STAC: variants seen among roughly 807,000 people sequenced by gnomAD.
STAC encodes the protein SH3 and cysteine rich domain.
STAC carries 43 observed loss-of-function variants against 48.8 expected under a neutral mutation model. The observed-to-expected ratio is 0.88, with a 90% CI of 0.69 to 1.14. STAC has a LOEUF of 1.14. Ranked by LOEUF, STAC falls within the 50% of genes most tolerant of loss-of-function variation. The pLI, the probability that STAC is intolerant of heterozygous loss-of-function variation, is 0.00. For missense variants in STAC, 497 were observed against 504.0 expected (o/e 0.99, Z 0.13); for synonymous variants, 193 against 179.5 (o/e 1.07, Z -0.60).
intron 8 of STAC, among the ~76,000 whole-genome samples, chr3:36,527,925 A>C (rs1020462658): frequency 5.3e-5 from 8 of 152,176 alleles, no homozygotes; most frequent in African/African-American, 1.7e-4. Flanking sequence ...AAATGGAGCT[A>C]AGCAAAAGTG....
intron 2 of STAC, among the ~76,000 whole-genome samples, chr3:36,470,054 T>A (rs1433060851): frequency 1.3e-5 from 2 of 152,144 alleles, no homozygotes; most frequent in East Asian, 3.9e-4. Context: ...TTGACCTGAA[T>A]TTTTTTTCTG....
At chr3:36,503,680 G>A (rs900983838) in intron 6 of STAC, among the ~76,000 whole-genome samples, 12 of 152,028 alleles carry the variant, frequency 7.9e-5, no homozygotes, top group Non-Finnish European at 1.2e-4. Flanking sequence ...TGATCTACCC[G>A]CCTCGGCCTC....
chr3:36,437,931 G>GTAGTTATTATTATTA (rs1553634753), intron 1 of STAC, among the ~76,000 whole-genome samples: 1 of 140,576 alleles, frequency 7.1e-6, no homozygotes, highest in Non-Finnish European at 1.5e-5. Flanking sequence ...TATTCATTGA[G>GTAGTTATTATTATTA]TTATTATTAT....
At chr3:36,511,827 T>C (rs137885943) in intron 8 of STAC, among the ~76,000 whole-genome samples, 286 of 152,302 alleles carry the variant, frequency 1.9e-3, no homozygotes, top group African/African-American at 6.5e-3. Flanking sequence ...ACCCAAACTC[T>C]TATAAATAGT....
chr3:36,492,035 T>A (rs61490622), intron 5 of STAC, among the ~76,000 whole-genome samples: 917 of 20,998 alleles, frequency 0.044, 18 homozygotes, highest in East Asian at 0.06. Context: ...AAAAAAAATA[T>A]ATATATATAT....
chr3:36,422,255 G>A (rs1700467532), intron 1 of STAC, among the ~76,000 whole-genome samples: 2 of 151,946 alleles, frequency 1.3e-5, no homozygotes, highest in Non-Finnish European at 2.9e-5. Context: ...TACTTTCCAG[G>A]TCTAGGAAAA....
At chr3:36,425,872 C>T (rs1559486410) in intron 1 of STAC, among the ~76,000 whole-genome samples, 1 of 151,904 alleles carries the variant, frequency 6.6e-6, no homozygotes, top group Admixed American at 6.6e-5. Context: ...ACCAAAAATA[C>T]AAAAACGAAA....
chr3:36,484,891 C>T, intron 3 of STAC, 86 bp from the exon 4 acceptor site: 1 of 1,066,008 alleles, frequency 9.4e-7, no homozygotes, highest in Non-Finnish European at 1.3e-6. Context: ...CCTGGAGAAA[C>T]CAATTGGTTT....
At chr3:36,459,971 A>C (rs1696963349) in intron 2 of STAC, among the ~76,000 whole-genome samples, 1 of 152,150 alleles carries the variant, frequency 6.6e-6, no homozygotes, top group Admixed American at 6.5e-5. Context: ...AGCTAACTTC[A>C]AAGAACCATG....
intron 10 of STAC, among the ~76,000 whole-genome samples, chr3:36,545,693 T>C (rs541954308): frequency 3.2e-4 from 49 of 152,328 alleles, no homozygotes; most frequent in Middle Eastern, 3.4e-3. Context: ...TGGGAAATGT[T>C]AGCATCTATT....
intron 10 of STAC, among the ~76,000 whole-genome samples, chr3:36,540,901 A>T (rs1289443986): frequency 6.6e-6 from 1 of 152,228 alleles, no homozygotes; most frequent in Non-Finnish European, 1.5e-5. Context: ...CAACAGTAAT[A>T]GCAAATGAAT....
intron 1 of STAC, among the ~76,000 whole-genome samples, chr3:36,394,963 G>A (rs1197454302): frequency 6.6e-6 from 1 of 151,672 alleles, no homozygotes; most frequent in Non-Finnish European, 1.5e-5. Context: ...TGTGAGGTGT[G>A]AGGGAGAGAG....
chr3:36,492,067 T>TATATATATATAA (rs1698001562), intron 5 of STAC, among the ~76,000 whole-genome samples: 2 of 97,444 alleles, frequency 2.1e-5, no homozygotes, highest in Non-Finnish European at 4.0e-5. Context: ...TATATATATA[T>TATATATATATAA]GTGACTGTCC....
rs149888259 is a variant in STAC at position 36,464,569 on chromosome 3, C to T, written c.389-18423C>T. 1.2e-3 allele frequency among the ~76,000 whole-genome samples: 181 copies of T among 152,058 alleles called. 1 individual carries two copies. Among genetic ancestry groups the T allele is most frequent in the African/African-American group, 4.1e-3 (170 of 41,454 alleles). ...AGCAGTGTACACTGTACCAATGTGC[C>T]GTCCTTTATCCCTCACCCCTGCAAA... On this transcript the variant is annotated intron_variant, in intron 2 of 10. Transcript: ENST00000273183.
intron 1 of STAC, among the ~76,000 whole-genome samples, chr3:36,394,321 A>T (rs966221668): frequency 6.6e-6 from 1 of 152,248 alleles, no homozygotes; most frequent in Non-Finnish European, 1.5e-5. Flanking sequence ...GAACATTTTC[A>T]TGATTGCACA....
chr3:36,482,478 G>A (rs1697675371), intron 2 of STAC, among the ~76,000 whole-genome samples: 1 of 152,102 alleles, frequency 6.6e-6, no homozygotes, highest in Non-Finnish European at 1.5e-5. Context: ...CCCCAGGCTG[G>A]GGTTGGCATC....
At chr3:36,383,534 G>A (rs1382106791) in intron 1 of STAC, among the ~76,000 whole-genome samples, 1 of 152,080 alleles carries the variant, frequency 6.6e-6, no homozygotes, top group East Asian at 1.9e-4. Context: ...CCGTAAATAT[G>A]CTATCAGGTT....
intron 2 of STAC, among the ~76,000 whole-genome samples, chr3:36,454,906 T>C (rs1322256776): frequency 6.6e-6 from 1 of 152,210 alleles, no homozygotes. Flanking sequence ...TGCAAGTGCT[T>C]TGGTGATTTC....
At chr3:36,435,055 G>C (rs1700797424) in intron 1 of STAC, among the ~76,000 whole-genome samples, 1 of 152,152 alleles carries the variant, frequency 6.6e-6, no homozygotes, top group Admixed American at 6.5e-5. Context: ...TAACTTGCTA[G>C]CCATTTAACT....
Sources: allele counts gnomAD v4.1 joint callset (sites outside exome capture counted in the v4.1 genomes callset), GRCh38; gene constraint gnomAD v4.1.1; transcripts MANE v1.5; gene names NCBI Gene and HGNC (gene_info 2026-07-23, HGNC 2026-07-21).